Variants in TMEM132D observed in about 807,000 individuals in gnomAD.
TMEM132D encodes the protein transmembrane protein 132D.
Under a neutral mutation model 62.3 loss-of-function variants are expected in TMEM132D, and 21 were observed. The observed-to-expected ratio is 0.34, with a 90% CI of 0.24 to 0.49. TMEM132D has a LOEUF of 0.49. TMEM132D is among the 20% of genes least tolerant of loss of function. TMEM132D has a pLI of 0.99. For synonymous variants in TMEM132D, 621 were observed against 575.6 expected (o/e 1.08, Z -1.13); for missense variants, 1,346 against 1,402.8 (o/e 0.96, Z 0.65).
At chr12:129,571,066 T>C (rs1593069999) in intron 2 of TMEM132D, among the ~76,000 whole-genome samples, 2 of 152,206 alleles carry the variant, frequency 1.3e-5, no homozygotes, top group South Asian at 4.1e-4. Context: ...ACGTTAGAGA[T>C]AATTCTATGC....
At chr12:129,866,344 CA>C (rs923931244) in intron 1 of TMEM132D, among the ~76,000 whole-genome samples, 1 of 146,982 alleles carries the variant, frequency 6.8e-6, no homozygotes, top group Non-Finnish European at 1.5e-5. Context: ...ATCGCAAGGA[CA>C]AAAAACCAAA....
At position 129,299,329 on chromosome 12, in the gene TMEM132D, G is replaced by C. The variant is rs200775008; in HGVS notation, c.1299+38305C>G. The stretch of plus-strand genomic sequence containing the variant: ...CAAAACTGGTGCTGATGATACTGTT[G>C]GAGCTCCTGGATCAAGCCATACCTG... On this transcript the variant is annotated intron_variant, in intron 4 of 8. Coordinates refer to ENST00000422113, the MANE Select transcript of TMEM132D (RefSeq NM_133448.3). Among the ~76,000 whole-genome samples the C allele has an allele frequency of 3.9e-5, 6 of 152,004 alleles. No homozygotes were observed. The East Asian group carries it at 1.2e-3, about 29-fold the overall frequency.
At position 129,903,579 on chromosome 12, in the gene TMEM132D, A is replaced by C. The variant is rs1593205752; in HGVS notation, c.-240T>G. On this transcript the variant is annotated 5_prime_UTR_variant, in exon 1 of 9. Coordinates refer to ENST00000422113, the MANE Select transcript of TMEM132D (RefSeq NM_133448.3). The surrounding 1 kb of genome is among the most constrained non-coding windows in gnomAD (Gnocchi z 6.2). Reference sequence around the variant, plus strand: ...TCCAACACGCGCGCAGGCAAACCCCACCTCCCTCCTTCGACCCCAACAGAA... The same window carrying C: ...TCCAACACGCGCGCAGGCAAACCCCCCCTCCCTCCTTCGACCCCAACAGAA... 1 of 547,536 alleles carries C rather than the reference A, an allele frequency of 1.8e-6. No homozygotes were observed. Among genetic ancestry groups the C allele is most frequent in the South Asian group, 2.5e-5 (1 of 40,490 alleles). 33.9% of individuals were successfully genotyped at this position (547,536 alleles called of 1,614,324 possible). A position where few individuals can be genotyped will look rare whatever the true frequency, so the allele number is the denominator to read the frequency against.
At chr12:129,103,771 T>C (rs1875394149) in intron 5 of TMEM132D, among the ~76,000 whole-genome samples, 1 of 152,142 alleles carries the variant, frequency 6.6e-6, no homozygotes, top group South Asian at 2.1e-4. Context: ...AGCCAAATCA[T>C]GAGTGAACTC....
At chr12:129,730,072 AC>A (rs1232551316) in intron 1 of TMEM132D, among the ~76,000 whole-genome samples, 1 of 152,150 alleles carries the variant, frequency 6.6e-6, no homozygotes, top group Non-Finnish European at 1.5e-5. Context: ...GCCCACTTGC[AC>A]CCAAGTGAAT....
At chr12:129,564,886 T>G (rs1044117582) in intron 2 of TMEM132D, among the ~76,000 whole-genome samples, 1 of 152,106 alleles carries the variant, frequency 6.6e-6, no homozygotes, top group Non-Finnish European at 1.5e-5. Context: ...GTGCTAGGAA[T>G]TGGTGTACTG....
chr12:129,321,603 C>T (rs1404529187), intron 4 of TMEM132D, among the ~76,000 whole-genome samples: 4 of 151,928 alleles, frequency 2.6e-5, no homozygotes, highest in African/African-American at 9.7e-5. Flanking sequence ...TTCGCCCAGG[C>T]TGGAGTGCAG....
intron 2 of TMEM132D, among the ~76,000 whole-genome samples, chr12:129,657,029 A>G (rs1880103559): frequency 6.6e-6 from 1 of 152,230 alleles, no homozygotes; most frequent in Non-Finnish European, 1.5e-5. Flanking sequence ...AAACAGATGA[A>G]CTGAAATATC....
At chr12:129,572,308 G>A (rs1877535992) in intron 2 of TMEM132D, among the ~76,000 whole-genome samples, 1 of 152,228 alleles carries the variant, frequency 6.6e-6, no homozygotes, top group Non-Finnish European at 1.5e-5. Context: ...TGAATTGTGT[G>A]GAGCTGGCGG....
At chr12:129,472,008 C>T (rs1157103206) in intron 3 of TMEM132D, among the ~76,000 whole-genome samples, 4 of 152,180 alleles carry the variant, frequency 2.6e-5, no homozygotes, top group Non-Finnish European at 4.4e-5. Flanking sequence ...GTCTCCATGA[C>T]ATAAAAGTGC....
At chr12:129,644,285 A>T (rs1320390703) in intron 2 of TMEM132D, among the ~76,000 whole-genome samples, 1 of 152,198 alleles carries the variant, frequency 6.6e-6, no homozygotes, top group African/African-American at 2.4e-5. Flanking sequence ...ACTCTAAATT[A>T]ACTACGACAT....
At chr12:129,244,369 G>A (rs1880025310) in intron 4 of TMEM132D, among the ~76,000 whole-genome samples, 1 of 122,468 alleles carries the variant, frequency 8.2e-6, no homozygotes, top group Admixed American at 9.4e-5. Context: ...CTGGGCGACA[G>A]AGCGAGACTC....
intron 3 of TMEM132D, among the ~76,000 whole-genome samples, chr12:129,362,554 A>G (rs1454589214): frequency 6.6e-6 from 1 of 152,110 alleles, no homozygotes; most frequent in Non-Finnish European, 1.5e-5. Context: ...TCGCCTGGAA[A>G]TGAAGATATA....
At chr12:129,406,715 T>C (rs1403076040) in intron 3 of TMEM132D, among the ~76,000 whole-genome samples, 1 of 151,742 alleles carries the variant, frequency 6.6e-6, no homozygotes, top group Non-Finnish European at 1.5e-5. Flanking sequence ...TAACAGAAAA[T>C]GGGCTACTTC....
chr12:129,818,421 GTA>G (rs1451703327), intron 1 of TMEM132D, among the ~76,000 whole-genome samples: 2 of 139,792 alleles, frequency 1.4e-5, no homozygotes, highest in Non-Finnish European at 3.1e-5. Context: ...TTTTAAGTGT[GTA>G]TGTGTGTGGT....
At chr12:129,354,966 A>G (rs1182206852) in intron 3 of TMEM132D, among the ~76,000 whole-genome samples, 2 of 152,340 alleles carry the variant, frequency 1.3e-5, no homozygotes, top group African/African-American at 4.8e-5. Context: ...TGCAGAGCTT[A>G]CCTGAGACCC....
At chr12:129,089,054 T>C (rs56267062) in intron 5 of TMEM132D, among the ~76,000 whole-genome samples, 1 of 44,866 alleles carries the variant, frequency 2.2e-5, no homozygotes, top group African/African-American at 1.9e-4. Context: ...ATGTCCTCCA[T>C]GACCGGGGTG....
chr12:129,767,381 T>A (rs1870585484), intron 1 of TMEM132D, among the ~76,000 whole-genome samples: 1 of 151,948 alleles, frequency 6.6e-6, no homozygotes. Flanking sequence ...GTAGAGGTGA[T>A]CCACAGCTTT....
At chr12:129,158,305 C>T (rs1877302669) in intron 5 of TMEM132D, among the ~76,000 whole-genome samples, 1 of 151,810 alleles carries the variant, frequency 6.6e-6, no homozygotes, top group Non-Finnish European at 1.5e-5. Flanking sequence ...GGAGAGGAGG[C>T]AAAATGGATA....
Sources: gnomAD v4.1 joint callset for allele counts (sites outside exome capture counted in the v4.1 genomes callset) on GRCh38, gnomAD v4.1.1 for gene constraint, Gnocchi (gnomAD v3.1) non-coding constraint, MANE v1.5 for transcripts, NCBI Gene and HGNC (gene_info 2026-07-23, HGNC 2026-07-21) for gene names.